Variants in NHSL2 observed in about 807,000 individuals in gnomAD.
NHSL2 encodes the protein NHS-like protein 2.
Under a neutral mutation model 53.4 loss-of-function variants are expected in NHSL2, and 27 were observed. The observed-to-expected ratio is 0.51, with a 90% CI of 0.37 to 0.70. The LOEUF is 0.70. NHSL2 is among the 30% of genes least tolerant of loss of function. The probability of loss-of-function intolerance (pLI) is 0.00; values close to 1 mark genes in which losing one functional copy is unlikely to be tolerated. For missense variants in NHSL2, 892 were observed against 980.1 expected (o/e 0.91, Z 1.20); for synonymous variants, 408 against 404.1 (o/e 1.01, Z -0.12).
At chrX:72,058,638 C>T (rs1351309136) in intron 1 of NHSL2, among the ~76,000 whole-genome samples, 2 of 111,842 alleles carry the variant, frequency 1.8e-5, no homozygotes, top group African/African-American at 6.5e-5. Flanking sequence ...CCACCGTGCC[C>T]GGCCAGCTTC....
At chrX:72,056,129 A>C (rs1297027072) in intron 1 of NHSL2, among the ~76,000 whole-genome samples, 1 of 111,857 alleles carries the variant, frequency 8.9e-6, no homozygotes. Flanking sequence ...ACATTTTCCC[A>C]TGTAAATCAG....
Position 72,138,778 on chromosome X carries a change from A to G in NHSL2, c.1230A>G (p.Gln410=), listed in dbSNP as rs553442094. 1.5e-5 allele frequency: 18 copies of G among 1,208,913 alleles called. No individual in the cohort carries two copies. Among genetic ancestry groups the G allele is most frequent in the Admixed American group, 8.7e-5 (4 of 45,861 alleles). The change falls in exon 6 of 8, where the codon CAA becomes CAG. Residue 410 remains glutamine (Q), a synonymous_variant. Coordinates refer to ENST00000633930, the MANE Select transcript of NHSL2 (RefSeq NM_001013627.3). ...MTPSATSQSN[Q]VNENGKNPSC... is the part of the protein sequence containing the mutation. ...CAAGTGCCACCAGCCAGAGCAATCA[A>G]GTCAATGAAAATGGGAAAAATCCTT...
At chrX:72,073,218 G>T (rs952540311) in intron 1 of NHSL2, among the ~76,000 whole-genome samples, 1 of 111,576 alleles carries the variant, frequency 9.0e-6, no homozygotes, top group Non-Finnish European at 1.9e-5. Context: ...CTGCAGCAGG[G>T]AAAGGATGAG....
At chrX:71,949,845 C>T (rs1184717092) in intron 1 of NHSL2, among the ~76,000 whole-genome samples, 1 of 113,011 alleles carries the variant, frequency 8.8e-6, no homozygotes, top group Non-Finnish European at 1.9e-5. Context: ...TACCAAGCCA[C>T]ACACAAGGAG....
Position 72,143,242 on chromosome X carries a change from C to G in NHSL2, c.3357-11C>G. On this transcript the variant is annotated splice_polypyrimidine_tract_variant and intron_variant, in intron 7 of 7. Transcript: ENST00000633930. ...CATTAACTCACTCAGACCAAACTTTCTCTTATCTAGGTCCAAAAGGAAGCT... is the reference window on the plus strand; with the variant it reads ...CATTAACTCACTCAGACCAAACTTTGTCTTATCTAGGTCCAAAAGGAAGCT... 8.8e-7 allele frequency: 1 copy of G among 1,137,560 alleles called. No homozygotes were observed. The highest frequency in any genetic ancestry group is 1.2e-6 in the Non-Finnish European group (1 of 855,321). 93.7% of individuals were successfully genotyped at this position (1,137,560 alleles called of 1,213,427 possible). A position where few individuals can be genotyped will look rare whatever the true frequency, so the allele number is the denominator to read the frequency against.
chrX:71,987,260 G>A (rs893454498), intron 1 of NHSL2, among the ~76,000 whole-genome samples: 1 of 112,169 alleles, frequency 8.9e-6, no homozygotes, highest in Non-Finnish European at 1.9e-5. Flanking sequence ...TCAAATACGT[G>A]TTACACGGTT....
chrX:71,943,048 C>T (rs952892540), intron 1 of NHSL2, among the ~76,000 whole-genome samples: 4 of 107,302 alleles, frequency 3.7e-5, no homozygotes, highest in Admixed American at 2.0e-4. Flanking sequence ...TGGGATCCCT[C>T]CCTCTTCCAT....
chrX:72,117,691 A>G (rs2042150291), intron 1 of NHSL2, among the ~76,000 whole-genome samples: 1 of 111,185 alleles, frequency 9.0e-6, no homozygotes, highest in African/African-American at 3.3e-5. Flanking sequence ...ATCACTGACT[A>G]TGTGGCCTTT....
rs1185725080 is a variant in NHSL2 at position 72,014,585 on chromosome X, C to A, written c.280+103218C>A. Among the ~76,000 whole-genome samples, 7 of 111,524 alleles carry A rather than the reference C, an allele frequency of 6.3e-5. No homozygotes were observed. In the East Asian group the frequency reaches 1.9e-3, roughly 31 times the overall value. On this transcript the variant is annotated intron_variant, in intron 1 of 7. Transcript: ENST00000633930. ...ATTTTAAAGTGTGTTGTTTATTTTT[C>A]AAGTTTTAGATATTTTCTTATCTTT...
At chrX:71,934,690 C>T (rs998879130) in intron 1 of NHSL2, among the ~76,000 whole-genome samples, 17 of 112,023 alleles carry the variant, frequency 1.5e-4, no homozygotes, top group African/African-American at 5.2e-4. Context: ...GGACAGCTGA[C>T]GGTGACTTGA....
chrX:72,099,143 G>A (rs1235649644), intron 1 of NHSL2, among the ~76,000 whole-genome samples: 1 of 111,566 alleles, frequency 9.0e-6, no homozygotes, highest in African/African-American at 3.3e-5. Context: ...AGAAAGTCTA[G>A]CACCACACTA....
chrX:72,125,621 C>CT (rs1602387644), intron 1 of NHSL2, among the ~76,000 whole-genome samples: 1 of 111,890 alleles, frequency 8.9e-6, no homozygotes, highest in South Asian at 3.7e-4. Flanking sequence ...CTCTGTTTGT[C>CT]TTTTTTTCCA....
chrX:71,963,652 A>G (rs2041878444), intron 1 of NHSL2, among the ~76,000 whole-genome samples: 1 of 110,045 alleles, frequency 9.1e-6, no homozygotes. Context: ...GACCAGGTGC[A>G]GTGGCTCACA....
chrX:71,918,068 G>C (rs1021575235), intron 1 of NHSL2, among the ~76,000 whole-genome samples: 1 of 111,651 alleles, frequency 9.0e-6, no homozygotes, highest in African/African-American at 3.3e-5. Flanking sequence ...AGGCAACCTC[G>C]GCTCCTTCAT....
intron 1 of NHSL2, among the ~76,000 whole-genome samples, chrX:72,035,866 G>A (rs1023016024): frequency 1.1e-4 from 12 of 111,833 alleles, no homozygotes; most frequent in African/African-American, 3.9e-4. Context: ...CCAGTCTGTG[G>A]CCTGTTTGGA....
At chrX:71,925,316 T>C (rs1244561169) in intron 1 of NHSL2, among the ~76,000 whole-genome samples, 2 of 111,783 alleles carry the variant, frequency 1.8e-5, no homozygotes, top group East Asian at 5.5e-4. Flanking sequence ...TCAAGGGTTG[T>C]ATTTTATTCC....
chrX:72,117,160 A>G (rs936826360), intron 1 of NHSL2, among the ~76,000 whole-genome samples: 6 of 108,745 alleles, frequency 5.5e-5, no homozygotes, highest in African/African-American at 1.7e-4. Context: ...TTAAACTAGA[A>G]CAAAGACACT....
At chrX:71,982,950 A>G (rs770642035) in intron 1 of NHSL2, among the ~76,000 whole-genome samples, 1 of 112,405 alleles carries the variant, frequency 8.9e-6, no homozygotes, top group South Asian at 3.8e-4. Context: ...AGAACTTGCA[A>G]CTGGTGTGTG....
rs1427866560 is a variant in NHSL2 at position 71,911,422 on chromosome X, C to A, written c.280+55C>A. Reference sequence around the variant, plus strand: ...CCCGCGTCTACCCCGCCTCTAGGGGCGCCGGTCGGCGCTTAGCGCTGTGCC... The same window carrying A: ...CCCGCGTCTACCCCGCCTCTAGGGGAGCCGGTCGGCGCTTAGCGCTGTGCC... On this transcript the variant is annotated intron_variant, in intron 1 of 7. Coordinates refer to ENST00000633930, the MANE Select transcript of NHSL2 (RefSeq NM_001013627.3). 11 of 977,319 alleles carry A rather than the reference C, an allele frequency of 1.1e-5. No homozygotes were observed. In the African/African-American group the frequency reaches 2.2e-4, roughly 20 times the overall value. The allele number at this position is 977,319 out of a possible 1,213,427, so 80.5% of individuals were successfully genotyped here.
Sources: allele counts gnomAD v4.1 joint callset (sites outside exome capture counted in the v4.1 genomes callset), GRCh38; gene constraint gnomAD v4.1.1; transcripts MANE v1.5; gene names NCBI Gene and HGNC (gene_info 2026-07-23, HGNC 2026-07-21).